CTNNA3: variants seen among roughly 807,000 people sequenced by gnomAD.
The protein encoded by CTNNA3 is catenin alpha-3.
CTNNA3 carries 76 observed loss-of-function variants against 95.7 expected under a neutral mutation model. The observed-to-expected ratio is 0.79, with a 90% CI of 0.66 to 0.96. CTNNA3 has a LOEUF of 0.96. Ranked by LOEUF, CTNNA3 falls within the 40% of genes least tolerant of loss-of-function variation. The pLI, the probability that CTNNA3 is intolerant of heterozygous loss-of-function variation, is 0.00. For synonymous variants in CTNNA3, 431 were observed against 374.4 expected (o/e 1.15, Z -1.74); for missense variants, 1,191 against 1,089.8 (o/e 1.09, Z -1.31).
chr10:67,224,719 G>T (rs1008386460), intron 5 of CTNNA3, among the ~76,000 whole-genome samples: 9 of 152,272 alleles, frequency 5.9e-5, no homozygotes, highest in African/African-American at 2.2e-4. Flanking sequence ...CTAGGAGCTC[G>T]CTGGGTCCCC....
chr10:67,070,722 G>A (rs1856400725), intron 7 of CTNNA3, among the ~76,000 whole-genome samples: 1 of 151,538 alleles, frequency 6.6e-6, no homozygotes, highest in African/African-American at 2.4e-5. Flanking sequence ...ACTCCAGCCT[G>A]GCAACAGAGC....
At chr10:67,688,496 T>C (rs1381391092) in intron 1 of CTNNA3, among the ~76,000 whole-genome samples, 1 of 152,208 alleles carries the variant, frequency 6.6e-6, no homozygotes, top group East Asian at 1.9e-4. Flanking sequence ...TTTCACTCCA[T>C]TTGCCTTCCT....
intron 6 of CTNNA3, among the ~76,000 whole-genome samples, chr10:67,217,892 C>A (rs1589877533): frequency 2.0e-5 from 3 of 147,956 alleles, no homozygotes; most frequent in Admixed American, 2.0e-4. Flanking sequence ...AATGTGATGG[C>A]ACTAGGGAAA....
chr10:65,999,356 T>C (rs953883605), intron 15 of CTNNA3, among the ~76,000 whole-genome samples: 2 of 152,148 alleles, frequency 1.3e-5, no homozygotes, highest in Non-Finnish European at 2.9e-5. Context: ...GACAGTGTTA[T>C]ATCTAAGGAG....
intron 13 of CTNNA3, among the ~76,000 whole-genome samples, chr10:66,267,284 C>T (rs2091181089): frequency 6.6e-6 from 1 of 152,080 alleles, no homozygotes; most frequent in Admixed American, 6.6e-5. Flanking sequence ...GTACCCTTCA[C>T]CTAATTGTAG....
rs34906544 is a variant in CTNNA3 at position 66,685,178 on chromosome 10, C to CATAT, written c.1282-63398_1282-63395dup. Among the ~76,000 whole-genome samples the CATAT allele has an allele frequency of 1.7e-3, 210 of 126,478 alleles. 2 individuals are homozygous for CATAT. The highest frequency in any genetic ancestry group is 5.8e-3 in the African/African-American group (194 of 33,406). 83.0% of individuals were successfully genotyped at this position (126,478 alleles called of 152,430 possible). A position where few individuals can be genotyped will look rare whatever the true frequency, so the allele number is the denominator to read the frequency against. On this transcript the variant is annotated intron_variant, in intron 9 of 17. Transcript: ENST00000433211. The stretch of plus-strand genomic sequence containing the variant: ...ATATACACGTATATATATATATACA[C>CATAT]ATATATATATACGTGTATATATATA...
intron 10 of CTNNA3, among the ~76,000 whole-genome samples, chr10:66,606,205 T>C (rs1844115496): frequency 1.3e-5 from 2 of 152,112 alleles, no homozygotes; most frequent in Non-Finnish European, 2.9e-5. Context: ...AAGGGTTAAA[T>C]ACAACAAGAA....
intron 7 of CTNNA3, among the ~76,000 whole-genome samples, chr10:66,999,741 T>A (rs1416271631): frequency 2.0e-5 from 3 of 152,186 alleles, no homozygotes; most frequent in Non-Finnish European, 4.4e-5. Context: ...CAATTGGCAA[T>A]TTTACTGTAT....
chr10:67,706,602 G>A (rs1446623564), intron 1 of CTNNA3, among the ~76,000 whole-genome samples: 1 of 152,142 alleles, frequency 6.6e-6, no homozygotes. Context: ...TCAGTGCTGG[G>A]GGAAAGGGAG....
chr10:67,567,799 C>G (rs979883528), intron 3 of CTNNA3, among the ~76,000 whole-genome samples: 1 of 152,042 alleles, frequency 6.6e-6, no homozygotes. Context: ...TAATTGTAGG[C>G]CTCCACCAAG....
At chr10:66,204,253 C>T (rs541720193) in intron 13 of CTNNA3, among the ~76,000 whole-genome samples, 1 of 152,202 alleles carries the variant, frequency 6.6e-6, no homozygotes, top group Admixed American at 6.5e-5. Flanking sequence ...GACAATGTTA[C>T]CTGGTAGCTG....
chr10:66,994,160 T>C (rs1262864324), intron 7 of CTNNA3, among the ~76,000 whole-genome samples: 1 of 152,098 alleles, frequency 6.6e-6, no homozygotes, highest in African/African-American at 2.4e-5. Context: ...TTATAGAAGG[T>C]CCCTCGTATA....
chr10:66,620,593 G>A (rs1003851156), intron 10 of CTNNA3, among the ~76,000 whole-genome samples: 4 of 152,170 alleles, frequency 2.6e-5, no homozygotes, highest in African/African-American at 9.6e-5. Context: ...GTTGATGGGA[G>A]TATATTTCAT....
At chr10:67,198,416 G>T (rs972531582) in intron 6 of CTNNA3, among the ~76,000 whole-genome samples, 3 of 152,070 alleles carry the variant, frequency 2.0e-5, no homozygotes, top group African/African-American at 7.2e-5. Context: ...GACTAAAAAA[G>T]AGGCAGCTCC....
intron 13 of CTNNA3, among the ~76,000 whole-genome samples, chr10:66,270,172 T>C (rs2091246403): frequency 6.7e-6 from 1 of 149,924 alleles, no homozygotes; most frequent in South Asian, 2.1e-4. Context: ...AAATGTCCAA[T>C]TTGGAAACCA....
At chr10:66,471,548 A>G (rs867088590) in intron 11 of CTNNA3, among the ~76,000 whole-genome samples, 9 of 151,970 alleles carry the variant, frequency 5.9e-5, no homozygotes, top group Middle Eastern at 3.4e-3. Flanking sequence ...TTTTACATCA[A>G]CAATTTTCAC....
intron 15 of CTNNA3, among the ~76,000 whole-genome samples, chr10:66,011,302 C>T (rs113278773): frequency 0.012 from 1,899 of 152,108 alleles, 31 homozygotes; most frequent in African/African-American, 0.041. Flanking sequence ...CTTTCTCTTT[C>T]TTTTCTCACT....
chr10:67,098,696 T>A (rs970816529), intron 7 of CTNNA3: 1 of 152,362 alleles, frequency 6.6e-6, no homozygotes, highest in African/African-American at 2.4e-5. Context: ...GACTTTGTGA[T>A]ACAGTTAAAA....
intron 12 of CTNNA3, among the ~76,000 whole-genome samples, chr10:66,290,656 C>A (rs1441656350): frequency 1.3e-5 from 2 of 151,976 alleles, no homozygotes; most frequent in Non-Finnish European, 2.9e-5. Flanking sequence ...TTATCGTCTG[C>A]AGAGAGTTAA....
Sources: gnomAD v4.1 joint callset for allele counts (sites outside exome capture counted in the v4.1 genomes callset) on GRCh38, gnomAD v4.1.1 for gene constraint, MANE v1.5 for transcripts, NCBI Gene and HGNC (gene_info 2026-07-23, HGNC 2026-07-21) for gene names.